The following RAB6B variants were observed in gnomAD, a reference collection of about 807,000 sequenced individuals.
The protein encoded by RAB6B is ras-related protein Rab-6B.
In RAB6B, 7 loss-of-function variants were observed where a neutral mutation model predicts 31.2. The observed-to-expected ratio is 0.22, with a 90% confidence interval of 0.13 to 0.42. The LOEUF (loss-of-function observed/expected upper bound fraction) is 0.42. Among genes scored for constraint, RAB6B ranks in the 10% least tolerant of loss-of-function variants. RAB6B has a pLI of 1.00. For synonymous variants in RAB6B, 105 were observed against 104.9 expected (o/e 1.00, Z -0.01); for missense variants, 149 against 280.6 (o/e 0.53, Z 3.35).
At chr3:133,835,025 G>A (rs1412690366) in intron 6 of RAB6B, among the ~76,000 whole-genome samples, 1 of 152,202 alleles carries the variant, frequency 6.6e-6, no homozygotes, top group African/African-American at 2.4e-5. Flanking sequence ...AGCCCTCATG[G>A]GGACCAGGCA....
intron 2 of RAB6B, 44 bp from the exon 3 acceptor site, chr3:133,841,707 T>G: frequency 6.2e-7 from 1 of 1,603,596 alleles, no homozygotes; most frequent in East Asian, 2.2e-5. Flanking sequence ...AAAGGTCTCA[T>G]GCAAAGGGGC....
intron 1 of RAB6B, among the ~76,000 whole-genome samples, chr3:133,891,141 G>A (rs918646935): frequency 4.6e-5 from 7 of 152,192 alleles, no homozygotes; most frequent in African/African-American, 1.7e-4. Context: ...GCAGGGGTCA[G>A]GATGGGTCAG....
At position 133,828,630 on chromosome 3, in the gene RAB6B, C is replaced by T; in HGVS notation, c.*158G>A. The T allele has an allele frequency of 1.3e-6, 1 of 741,136 alleles. No individual in the cohort carries two copies. The highest frequency in any genetic ancestry group is 2.4e-6 in the Non-Finnish European group (1 of 419,420). The allele number at this position is 741,136 out of a possible 1,614,324, so 45.9% of individuals were successfully genotyped here. ...TAAGAGTGATGTGATCCCTGATGCC[C>T]AGCCTCCCTCCCCATCCCACCCTAC... is the stretch of plus-strand genomic sequence containing the variant. On this transcript the variant is annotated 3_prime_UTR_variant, in exon 8 of 8. Coordinates refer to ENST00000285208, the MANE Select transcript of RAB6B (RefSeq NM_016577.4).
Position 133,833,334 on chromosome 3 carries a change from A to G in RAB6B, c.562+1241T>C, listed in dbSNP as rs554398522. Among the ~76,000 whole-genome samples the G allele has an allele frequency of 1.1e-4, 17 of 151,818 alleles. 1 individual carries two copies. Among genetic ancestry groups the G allele is most frequent in the Admixed American group, 1.1e-3 (17 of 15,244 alleles). The stretch of plus-strand genomic sequence containing the variant: ...TCTCATAACTGACCAACCAGGAGAT[A>G]CTCCTCAAACCCCCTCCTCTCGGCC... On this transcript the variant is annotated intron_variant, in intron 7 of 7. Transcript: ENST00000285208.
intron 6 of RAB6B, among the ~76,000 whole-genome samples, chr3:133,835,880 G>A (rs1025827287): frequency 6.6e-6 from 1 of 152,138 alleles, no homozygotes; most frequent in Non-Finnish European, 1.5e-5. Context: ...CCTTGACCAT[G>A]GAGTTCCCAG....
intron 4 of RAB6B, among the ~76,000 whole-genome samples, chr3:133,840,174 T>TGG (rs1935803365): frequency 6.6e-6 from 1 of 151,680 alleles, no homozygotes; most frequent in East Asian, 1.9e-4. Context: ...GCTCTGCAGA[T>TGG]GAGAGGAGGG....
rs138916752 is a variant in RAB6B at position 133,838,967 on chromosome 3, T to G, written c.401+539A>C. ...ATGGCACCTCAGTTCTCCCTGTGCA[T>G]GGAGGGCAGCATGGAGGAGCCTCTT... On this transcript the variant is annotated intron_variant, in intron 5 of 7. Transcript: ENST00000285208. Among the ~76,000 whole-genome samples, 318 of 152,334 alleles carry G rather than the reference T, an allele frequency of 2.1e-3. 1 individual carries two copies. The highest frequency in any genetic ancestry group is 0.015 in the East Asian group (79 of 5,186).
intron 1 of RAB6B, among the ~76,000 whole-genome samples, chr3:133,891,393 A>C (rs922298050): frequency 6.6e-6 from 1 of 152,188 alleles, no homozygotes; most frequent in Non-Finnish European, 1.5e-5. Flanking sequence ...TACTTTCTAC[A>C]CACAGCCCAA....
intron 1 of RAB6B, among the ~76,000 whole-genome samples, chr3:133,889,388 TTATATATATATATATATATATA>T (rs5852771): frequency 0.019 from 1,551 of 80,220 alleles, 52 homozygotes; most frequent in Non-Finnish European, 0.025. Flanking sequence ...GGTTATTTTG[TTATATATATATATATATATATA>T]TATATATATA....
chr3:133,890,044 C>A (rs1053672094), intron 1 of RAB6B, among the ~76,000 whole-genome samples: 3 of 152,162 alleles, frequency 2.0e-5, no homozygotes, highest in Non-Finnish European at 4.4e-5. Context: ...CCAACCTCCA[C>A]AAAGGTGCCC....
At chr3:133,854,584 C>G (rs189692536) in intron 2 of RAB6B, among the ~76,000 whole-genome samples, 10 of 152,350 alleles carry the variant, frequency 6.6e-5, no homozygotes, top group African/African-American at 2.4e-4. Context: ...CCTTTAATAT[C>G]TTTGTGCTTA....
At chr3:133,889,833 A>T (rs1347694809) in intron 1 of RAB6B, among the ~76,000 whole-genome samples, 1 of 152,176 alleles carries the variant, frequency 6.6e-6, no homozygotes, top group Admixed American at 6.5e-5. Flanking sequence ...AGTAATTATT[A>T]TTACATCTAC....
rs55951806 is a variant in RAB6B, at chr3:133,827,746, A to ACCCCCCCCCCCCCCCCCCCC, written c.*1041_*1042insGGGGGGGGGGGGGGGGGGGG. 1.4e-4 allele frequency: 10 copies of ACCCCCCCCCCCCCCCCCCCC among 73,620 alleles called. 3 individuals are homozygous for ACCCCCCCCCCCCCCCCCCCC. Among genetic ancestry groups the ACCCCCCCCCCCCCCCCCCCC allele is most frequent in the Admixed American group, 2.1e-4 (1 of 4,818 alleles). 4.6% of individuals were successfully genotyped at this position (73,620 alleles called of 1,614,324 possible). A position where few individuals can be genotyped will look rare whatever the true frequency, so the allele number is the denominator to read the frequency against. On this transcript the variant is annotated 3_prime_UTR_variant, in exon 8 of 8. Coordinates refer to ENST00000285208, the MANE Select transcript of RAB6B (RefSeq NM_016577.4). ...TCAAGGTGGTGGTTCTGCAGACAAC[A>ACCCCCCCCCCCCCCCCCCCC]CCCCCCCCCCCCCCCGCCTCCCCAT...
intron 7 of RAB6B, among the ~76,000 whole-genome samples, chr3:133,831,479 G>A (rs1209817437): frequency 2.0e-5 from 3 of 152,154 alleles, no homozygotes; most frequent in Non-Finnish European, 2.9e-5. Context: ...AATTTAAGTC[G>A]GAACACCCAC....
chr3:133,829,895 C>T (rs1439681402), intron 7 of RAB6B, among the ~76,000 whole-genome samples: 1 of 152,180 alleles, frequency 6.6e-6, no homozygotes, highest in East Asian at 1.9e-4. Flanking sequence ...CTTTTCTTTG[C>T]TTTTCCTACC....
At chr3:133,888,883 G>C in intron 1 of RAB6B, among the ~76,000 whole-genome samples, 1 of 152,084 alleles carries the variant, frequency 6.6e-6, no homozygotes, top group East Asian at 1.9e-4. Flanking sequence ...GCCCTGCTTG[G>C]AGCCCCATTT....
intron 2 of RAB6B, among the ~76,000 whole-genome samples, chr3:133,861,604 G>C (rs865866960): frequency 1.2e-4 from 18 of 152,210 alleles, no homozygotes; most frequent in Admixed American, 3.3e-4. Context: ...CCCCCTCCCT[G>C]TCCTTCATGC....
At chr3:133,860,749 G>A (rs1370627597) in intron 2 of RAB6B, among the ~76,000 whole-genome samples, 1 of 152,212 alleles carries the variant, frequency 6.6e-6, no homozygotes, top group Non-Finnish European at 1.5e-5. Flanking sequence ...TCCACTCTGA[G>A]AGTGTGTCCT....
chr3:133,873,085 A>G (rs1106169), intron 1 of RAB6B, among the ~76,000 whole-genome samples: 63,852 of 152,140 alleles, frequency 0.42, 15,403 homozygotes, highest in African/African-American at 0.67. Context: ...CTCTATCCAA[A>G]CAGGGGGCCC....
Sources: allele counts gnomAD v4.1 joint callset (sites outside exome capture counted in the v4.1 genomes callset), GRCh38; gene constraint gnomAD v4.1.1; transcripts MANE v1.5; gene names NCBI Gene and HGNC (gene_info 2026-07-23, HGNC 2026-07-21).